Variants in BAZ1B observed in about 807,000 individuals in gnomAD.
BAZ1B encodes the protein tyrosine-protein kinase BAZ1B.
BAZ1B carries 22 observed loss-of-function variants against 153.8 expected under a neutral mutation model. That is an observed-to-expected ratio of 0.14 (90% CI 0.10 to 0.20). The LOEUF is 0.20. BAZ1B is among the 10% of genes least tolerant of loss of function. The probability of loss-of-function intolerance (pLI) is 1.00; values close to 1 mark genes in which losing one functional copy is unlikely to be tolerated. For missense variants in BAZ1B, 1,325 were observed against 1,799.3 expected (o/e 0.74, Z 4.77); for synonymous variants, 676 against 633.4 (o/e 1.07, Z -1.01).
chr7:73,460,334 T>TA (rs1485391471), intron 12 of BAZ1B, among the ~76,000 whole-genome samples: 4 of 152,174 alleles, frequency 2.6e-5, no homozygotes, highest in Non-Finnish European at 4.4e-5. Flanking sequence ...CTACTATGTG[T>TA]AAAATACAAT....
chr7:73,467,650 C>T (rs1788646880), intron 9 of BAZ1B, among the ~76,000 whole-genome samples: 1 of 152,212 alleles, frequency 6.6e-6, no homozygotes, highest in African/African-American at 2.4e-5. Context: ...GGATTATAGG[C>T]ATCAGCCACT....
chr7:73,506,396 G>A (rs1486376488), intron 3 of BAZ1B, among the ~76,000 whole-genome samples: 4 of 151,922 alleles, frequency 2.6e-5, no homozygotes, highest in Non-Finnish European at 5.9e-5. Context: ...CTACTCGGGA[G>A]GCTGAGGCAG....
At position 73,477,096 on chromosome 7, in the gene BAZ1B, C is replaced by G; in HGVS notation, c.2365G>C (p.Asp789His). Residue 789 changes from aspartate to histidine, a missense_variant, in exon 7 of 20, where the codon GAT becomes CAT. Asp to His is a moderately conservative substitution (Grantham distance 81, BLOSUM62 -1). This residue lies in a region of BAZ1B where 431 missense variants were observed against 563.5 expected (regional missense o/e 0.76). Transcript: ENST00000339594. This position sits in a 1 kb window ranked among gnomAD's most constrained non-coding sequence, Gnocchi z 5.6. The part of the protein sequence containing the change: ...ERLAVLKEEN[D>H]KKRAEKQKRK... Reference sequence around the variant, plus strand: ...TTCTGTTTCTCTGCTCTCTTCTTATCATTTTCTTCCTTCAACACAGCAAGC... The same window carrying G: ...TTCTGTTTCTCTGCTCTCTTCTTATGATTTTCTTCCTTCAACACAGCAAGC... The G allele has an allele frequency of 1.2e-6, 2 of 1,614,146 alleles. No individual in the cohort carries two copies. The highest frequency in any genetic ancestry group is 2.7e-5 in the African/African-American group (2 of 75,052).
intron 3 of BAZ1B, among the ~76,000 whole-genome samples, chr7:73,501,587 C>A (rs1790135346): frequency 6.6e-6 from 1 of 152,120 alleles, no homozygotes. Flanking sequence ...ATGCACAGGA[C>A]AGCACCCACT....
At chr7:73,519,294 T>G (rs1311433734) in intron 1 of BAZ1B, among the ~76,000 whole-genome samples, 1 of 152,214 alleles carries the variant, frequency 6.6e-6, no homozygotes, top group African/African-American at 2.4e-5. Context: ...TAAATATAAG[T>G]TGAGAACTGG....
chr7:73,468,254 G>T (rs1554571485), intron 9 of BAZ1B, among the ~76,000 whole-genome samples: 1 of 152,114 alleles, frequency 6.6e-6, no homozygotes, highest in East Asian at 1.9e-4. Flanking sequence ...GTTCTCGAAA[G>T]GGAGCACTGC....
intron 10 of BAZ1B, 46 bp from the exon 11 acceptor site, chr7:73,465,583 ATTC>A: frequency 1.5e-6 from 2 of 1,291,092 alleles, no homozygotes; most frequent in Non-Finnish European, 2.2e-6. Context: ...AAAAAAAAAA[ATTC>A]AAAATCAAAC....
At chr7:73,458,697 T>C (rs1554569879) in intron 13 of BAZ1B, among the ~76,000 whole-genome samples, 1 of 150,214 alleles carries the variant, frequency 6.7e-6, no homozygotes, top group African/African-American at 2.5e-5. Context: ...AAAAGTAAAT[T>C]TGTATGTTAT....
At chr7:73,476,348 C>T (rs1292671179) in intron 7 of BAZ1B, among the ~76,000 whole-genome samples, 6 of 152,122 alleles carry the variant, frequency 3.9e-5, no homozygotes, top group African/African-American at 1.2e-4. Flanking sequence ...AGTTCAGATT[C>T]GATGGAGCCA....
intron 1 of BAZ1B, among the ~76,000 whole-genome samples, chr7:73,515,916 G>A (rs1368717548): frequency 6.6e-6 from 1 of 152,066 alleles, no homozygotes; most frequent in Non-Finnish European, 1.5e-5. Context: ...AGGCAGAGGG[G>A]AACGGATCAC....
chr7:73,508,576 A>T (rs1554578150), intron 2 of BAZ1B, 105 bp from the exon 3 acceptor site: 1 of 1,308,554 alleles, frequency 7.6e-7, no homozygotes, highest in East Asian at 2.5e-5. Flanking sequence ...AACATTTCAA[A>T]CATTTATCGC....
chr7:73,468,120 C>T (rs1468888916), intron 9 of BAZ1B, among the ~76,000 whole-genome samples: 1 of 152,168 alleles, frequency 6.6e-6, no homozygotes, highest in African/African-American at 2.4e-5. Context: ...AGCACAATAA[C>T]CTAGTACTCA....
intron 7 of BAZ1B, among the ~76,000 whole-genome samples, chr7:73,476,388 T>C (rs1040035278): frequency 6.6e-6 from 1 of 152,216 alleles, no homozygotes; most frequent in Non-Finnish European, 1.5e-5. Flanking sequence ...AGTTCTTAAA[T>C]CTTAAAGGAC....
chr7:73,465,297 C>T, intron 11 of BAZ1B, 142 bp downstream of exon 11: 1 of 512,288 alleles, frequency 2.0e-6, no homozygotes, highest in Admixed American at 3.9e-5. Context: ...AAGAAAATAC[C>T]AGGCAATATG....
In BAZ1B at chr7:73,470,500, G is replaced by T. The variant is rs1171118194; in HGVS notation, c.2594-17C>A. On this transcript the variant is annotated splice_polypyrimidine_tract_variant and intron_variant, in intron 7 of 19. Coordinates refer to ENST00000339594, the MANE Select transcript of BAZ1B (RefSeq NM_032408.4). Reference sequence around the variant, plus strand: ...CCAGTTTCACTGTTAAAAATAAAAAGACTCAAATCAGATATTTTCCTAGTA... The same window carrying T: ...CCAGTTTCACTGTTAAAAATAAAAATACTCAAATCAGATATTTTCCTAGTA... The T allele has an allele frequency of 2.5e-6, 4 of 1,607,446 alleles. No homozygotes were observed. Among genetic ancestry groups the T allele is most frequent in the Non-Finnish European group, 3.4e-6 (4 of 1,177,752 alleles).
intron 13 of BAZ1B, among the ~76,000 whole-genome samples, chr7:73,451,922 T>G (rs1159773291): frequency 6.6e-6 from 1 of 152,204 alleles, no homozygotes; most frequent in Non-Finnish European, 1.5e-5. Flanking sequence ...TCAGGTTCGG[T>G]TCTTTAAAAG....
chr7:73,476,853 A>G lies in BAZ1B; in HGVS notation c.2593+15T>C, dbSNP rs1554572861. 1 of 1,576,272 alleles carries G rather than the reference A, an allele frequency of 6.3e-7. No homozygotes were observed. Among genetic ancestry groups the G allele is most frequent in the African/African-American group, 1.4e-5 (1 of 72,834 alleles). ...TCTACAGAGCTTCCCCTTTTCTCTC[A>G]GCATGAAATTTTACCTTTCATTTCT... On this transcript the variant is annotated intron_variant, in intron 7 of 19. Transcript: ENST00000339594.
chr7:73,510,780 T>A lies in BAZ1B; in HGVS notation c.180A>T (p.Leu60=), dbSNP rs151333094. 1.2e-6 allele frequency: 2 copies of A among 1,614,176 alleles called. No homozygotes were observed. Among genetic ancestry groups the A allele is most frequent in the African/African-American group, 2.7e-5 (2 of 75,046 alleles). Residue 60 remains leucine, a synonymous_variant, in exon 2 of 20, where the codon CTA becomes CTT. Transcript: ENST00000339594. ...WTCKSTGSSQ[L]THKEAWEEEQ... is the part of the protein sequence containing the mutation. The stretch of plus-strand genomic sequence containing the variant: ...CTTCCTCCCAGGCTTCCTTGTGTGT[T>A]AGCTGACTGCTTCCAGTACTCTTGC...
rs138703797 is a variant in BAZ1B at position 73,456,296 on chromosome 7, A to T, written c.3432+3240T>A. Among the ~76,000 whole-genome samples the T allele has an allele frequency of 6.8e-4, 103 of 152,380 alleles. 2 individuals are homozygous for T. The highest frequency in any genetic ancestry group is 2.3e-3 in the African/African-American group (96 of 41,602). ...AAAAGTGGAGGCAACAATGGAAAAA[A>T]ATAGGTTAAGTTAGACTCCATGCAA... On this transcript the variant is annotated intron_variant, in intron 13 of 19. Transcript: ENST00000339594.
Sources: gnomAD v4.1 joint callset for allele counts (sites outside exome capture counted in the v4.1 genomes callset) on GRCh38, gnomAD v4.1.1 for gene constraint, gnomAD v4.1.1 regional missense constraint, Gnocchi (gnomAD v3.1) non-coding constraint, MANE v1.5 for transcripts, NCBI Gene and HGNC (gene_info 2026-07-23, HGNC 2026-07-21) for gene names.